The following ACADVL variants were observed in gnomAD, a reference collection of about 807,000 sequenced individuals.
ACADVL encodes the protein acyl-CoA dehydrogenase very long chain, also known as very long-chain acyl-CoA dehydrogenase, mitochondrial.
Under a neutral mutation model 80.4 loss-of-function variants are expected in ACADVL, and 73 were observed. That is an observed-to-expected ratio of 0.91 (90% CI 0.75 to 1.10). ACADVL has a LOEUF of 1.10. Ranked by LOEUF, ACADVL falls within the 50% of genes least tolerant of loss-of-function variation. The pLI is 0.00. For synonymous variants in ACADVL, 392 were observed against 326.5 expected, an observed-to-expected ratio of 1.20 and a Z score of -2.16; for missense variants, 878 against 858.9, an observed-to-expected ratio of 1.02 and a Z score of -0.28.
chr17:7,223,643 G>GC lies in ACADVL; in HGVS notation c.1183-1_1183insC (p.Ser395LeufsTer9). 1.9e-6 allele frequency: 3 copies of GC among 1,614,030 alleles called. No individual in the cohort carries two copies. The highest frequency in any genetic ancestry group is 2.5e-6 in the Non-Finnish European group (3 of 1,180,004). On this transcript the variant is annotated frameshift_variant and splice_region_variant. Transcript: ENST00000356839. LOFTEE classifies it high-confidence loss of function. ...CCCATGTCCCAACTATGCAACCTCAGTCCATGGCTTACATGGTGAGTGCTA... is the reference window on the plus strand; with the variant it reads ...CCCATGTCCCAACTATGCAACCTCAGCTCCATGGCTTACATGGTGAGTGCTA...
At chr17:7,219,734 A>G, upstream of ACADVL, 1 of 1,436,264 alleles carries the variant, frequency 7.0e-7, no homozygotes, top group Non-Finnish European at 9.1e-7. Flanking sequence ...GGAGGACTAG[A>G]CTCTAGGTCG....
At chr17:7,223,069 C>T in intron 10 of ACADVL, 64 bp from the exon 11 acceptor site, 1 of 1,534,580 alleles carries the variant, frequency 6.5e-7, no homozygotes, top group Non-Finnish European at 9.0e-7. Context: ...CAAGCCCAGC[C>T]CCTCTCCTAG....
At position 7,222,715 on chromosome 17, in the gene ACADVL, G is replaced by C. The variant is rs1555528466; in HGVS notation, c.927G>C (p.Glu309Asp). 6.2e-7 allele frequency: 1 copy of C among 1,614,008 alleles called. No homozygotes were observed. Among genetic ancestry groups the C allele is most frequent in the East Asian group, 2.2e-5 (1 of 44,888 alleles). ...KMGIKASNTA[E>D]VFFDGVRVPS... ...GCATCAAGGCTTCAAACACAGCAGA[G>C]GTGTTCTTTGATGGAGTACGGGTGC... Residue 309 changes from glutamate to aspartate, a missense_variant, in exon 10 of 20, where the codon GAG becomes GAC. Coordinates refer to ENST00000356839, the MANE Select transcript of ACADVL (RefSeq NM_000018.4).
chr17:7,223,888 C>A lies in ACADVL; in HGVS notation c.1332+13C>A. On this transcript the variant is annotated intron_variant, in intron 13 of 19. Transcript: ENST00000356839. ...GGGCTTCATGAAGGTACAGGACGGT[C>A]TTCTGCAGAGCCTCGGCTGGGCCAG... is the stretch of plus-strand genomic sequence containing the variant. 1 of 1,613,974 alleles carries A rather than the reference C, an allele frequency of 6.2e-7. No homozygotes were observed. The highest frequency in any genetic ancestry group is 8.5e-7 in the Non-Finnish European group (1 of 1,180,008).
In ACADVL at chr17:7,223,703, G is replaced by C; in HGVS notation, c.1242G>C (p.Glu414Asp). The change falls in exon 12 of 20, where the codon GAG becomes GAC. Residue 414 changes from glutamate (E) to aspartate (D), a missense_variant. By Grantham distance (45) the Glu-to-Asp change is conservative. Transcript: ENST00000356839. Reference protein sequence around the residue: ...MDQGATDFQIEAAISKIFGSE... With the variant: ...MDQGATDFQIDAAISKIFGSE... ...AGGGAGCCACGGACTTCCAGATAGA[G>C]GCCGCCATCAGCAAAATCTTTGGCT... 6.2e-7 allele frequency: 1 copy of C among 1,614,154 alleles called. No homozygotes were observed. Among genetic ancestry groups the C allele is most frequent in the East Asian group, 2.2e-5 (1 of 44,880 alleles).
chr17:7,220,633 C>G lies in ACADVL; in HGVS notation c.234C>G (p.Phe78Leu), dbSNP rs2142965570. 6 of 1,614,170 alleles carry G rather than the reference C, an allele frequency of 3.7e-6. No homozygotes were observed. The highest frequency in any genetic ancestry group is 5.1e-6 in the Non-Finnish European group (6 of 1,180,024). The change falls in exon 4 of 20, where the codon TTC becomes TTG. Residue 78 changes from phenylalanine (F) to leucine (L), a missense_variant. Coordinates refer to ENST00000356839, the MANE Select transcript of ACADVL (RefSeq NM_000018.4). ...CTAAGTCCTTTGCTGTGGGAATGTT[C>G]AAAGGCCAGCTCACCACAGATCAGG... ...AESKSFAVGM[F>L]KGQLTTDQVF...
intron 10 of ACADVL, 55 bp downstream of exon 10, chr17:7,222,920 C>T: frequency 6.3e-7 from 1 of 1,592,072 alleles, no homozygotes; most frequent in Non-Finnish European, 8.6e-7. Flanking sequence ...CACTGTCCCC[C>T]TTGCCATGTG....
upstream of ACADVL, chr17:7,219,082 G>T: frequency 1.7e-6 from 1 of 593,098 alleles, no homozygotes. Context: ...CCAGCAAAGA[G>T]GGCCTCCTCA....
At chr17:7,219,782 C>A (rs945354338), upstream of ACADVL, 8 of 1,496,886 alleles carry the variant, frequency 5.3e-6, no homozygotes, top group Non-Finnish European at 7.1e-6. Context: ...AGACGAGGGA[C>A]GCTTGGAGAT....
upstream of ACADVL, chr17:7,219,802 T>C: frequency 1.3e-6 from 2 of 1,524,536 alleles, no homozygotes; most frequent in Middle Eastern, 3.4e-4. Context: ...TCCCTCTAAG[T>C]CAGCGGAACG....
At chr17:7,221,350 C>G (rs977155778) in intron 6 of ACADVL, 188 bp from the exon 7 acceptor site, 1 of 1,078,028 alleles carries the variant, frequency 9.3e-7, no homozygotes. Context: ...CTAAGACAGA[C>G]CAGCATTCTC....
chr17:7,221,195 A>G, intron 6 of ACADVL, 137 bp downstream of exon 6: 3 of 1,418,628 alleles, frequency 2.1e-6, no homozygotes, highest in Admixed American at 3.8e-5. Context: ...ATGGATGTTA[A>G]CTGTCCAAAC....
At chr17:7,220,260 C>T (rs1384940172) in intron 2 of ACADVL, 63 bp downstream of exon 2, 4 of 1,505,432 alleles carry the variant, frequency 2.7e-6, no homozygotes, top group Admixed American at 2.0e-5. Flanking sequence ...CGCCCGCCAT[C>T]GGCAGGGATC....
chr17:7,218,166 A>G (rs986452193), upstream of ACADVL: 3 of 1,332,340 alleles, frequency 2.3e-6, no homozygotes, highest in Non-Finnish European at 3.1e-6. Flanking sequence ...TCCAGGTAAT[A>G]TTAGTGATAT....
At chr17:7,219,767 G>T (rs1051165757), upstream of ACADVL, 1 of 1,482,358 alleles carries the variant, frequency 6.7e-7, no homozygotes, top group Non-Finnish European at 9.0e-7. Context: ...TAAGGAGTTT[G>T]GGGGAGACGA....
upstream of ACADVL, chr17:7,219,880 T>C (rs1206937034): frequency 2.6e-6 from 4 of 1,541,486 alleles, no homozygotes; most frequent in African/African-American, 2.7e-5. Flanking sequence ...CGCCGCCCGG[T>C]GCACTGTGGA....
chr17:7,223,286 C>T (rs752935875), intron 11 of ACADVL, 49 bp downstream of exon 11: 17 of 1,531,556 alleles, frequency 1.1e-5, no homozygotes, highest in Non-Finnish European at 1.4e-5. Context: ...GCTTTCTTCC[C>T]AGTCGGGTCA....
Position 7,224,891 on chromosome 17 carries a change from C to G in ACADVL, c.1827+7C>G. On this transcript the variant is annotated splice_region_variant and intron_variant, in intron 19 of 19. Transcript: ENST00000356839. ...TGACACCTGGTGTATCGAGGTGAGA[C>G]TCGGGGCTGCCAAGCTCAGGTGAGG... 1.2e-6 allele frequency: 2 copies of G among 1,614,046 alleles called. No individual in the cohort carries two copies. The highest frequency in any genetic ancestry group is 1.7e-6 in the Non-Finnish European group (2 of 1,180,044).
Position 7,222,988 on chromosome 17 carries a change from G to A in ACADVL, c.1077+123G>A, listed in dbSNP as rs538108994. 162 of 1,454,084 alleles carry A rather than the reference G, an allele frequency of 1.1e-4. No individual in the cohort carries two copies. In the African/African-American group the frequency reaches 1.7e-3, roughly 15 times the overall value. The allele number at this position is 1,454,084 out of a possible 1,614,324, so 90.1% of individuals were successfully genotyped here. On this transcript the variant is annotated intron_variant, in intron 10 of 19. Transcript: ENST00000356839. Reference sequence around the variant, plus strand: ...GAAACTCCTCCCCTACCAGCAGCCCGACTTGCTAGCTTAGGTCTCCATCCA... The same window carrying A: ...GAAACTCCTCCCCTACCAGCAGCCCAACTTGCTAGCTTAGGTCTCCATCCA...
Sources: gnomAD v4.1 joint callset for allele counts on GRCh38, gnomAD v4.1.1 for gene constraint, MANE v1.5 for transcripts, NCBI Gene and HGNC (gene_info 2026-07-23, HGNC 2026-07-21) for gene names.